Variants in NSUN4 observed in about 807,000 individuals in gnomAD.
NSUN4 encodes 5-cytosine rRNA methyltransferase NSUN4.
A neutral mutation model predicts 43.8 loss-of-function variants in NSUN4; 31 were observed. The ratio of observed to expected loss-of-function variants is 0.71; its 90% CI spans 0.53 to 0.96. NSUN4 has a LOEUF of 0.96. Ranked by LOEUF, NSUN4 falls within the 40% of genes least tolerant of loss-of-function variation. The pLI is 0.00. For synonymous variants in NSUN4, 167 were observed against 184.1 expected, an observed-to-expected ratio of 0.91 and a Z score of 0.75; for missense variants, 439 against 475.6, an observed-to-expected ratio of 0.92 and a Z score of 0.72.
At position 46,362,438 on chromosome 1, in the gene NSUN4, C is replaced by G. The variant is rs41294482; in HGVS notation, c.*592C>G. 1 of 152,666 alleles carries G rather than the reference C, an allele frequency of 6.6e-6. No homozygotes were observed. The highest frequency in any genetic ancestry group is 2.4e-5 in the African/African-American group (1 of 41,440). The allele number at this position is 152,666 out of a possible 1,614,324, so 9.5% of individuals were successfully genotyped here. A position where few individuals can be genotyped will look rare whatever the true frequency, so the allele number is the denominator to read the frequency against. ...TGCTTACCTACTCACATTGGAAAAA[C>G]CCTCTGAGCTGAATAATTCTGGCCA... is the stretch of plus-strand genomic sequence containing the variant. On this transcript the variant is annotated 3_prime_UTR_variant, in exon 6 of 6. Transcript: ENST00000474844.
rs1663184086 is a variant in NSUN4, at chr1:46,353,933, T to C, written c.753+905T>C. Reference sequence around the variant, plus strand: ...CATTTAAGATTTTGATAGCGATTGCTAAATTTCTCTGTGGAGGTTAAACCA... The same window carrying C: ...CATTTAAGATTTTGATAGCGATTGCCAAATTTCTCTGTGGAGGTTAAACCA... On this transcript the variant is annotated intron_variant, in intron 4 of 5. Coordinates refer to ENST00000474844, the MANE Select transcript of NSUN4 (RefSeq NM_199044.4). 5.9e-5 allele frequency among the ~76,000 whole-genome samples: 9 copies of C among 152,336 alleles called. 1 individual carries two copies. The highest frequency in any genetic ancestry group is 5.9e-4 in the Admixed American group (9 of 15,286).
intron 2 of NSUN4, among the ~76,000 whole-genome samples, chr1:46,346,367 T>C (rs988642771): frequency 6.6e-6 from 1 of 151,032 alleles, no homozygotes; most frequent in Non-Finnish European, 1.5e-5. Context: ...CTGGCCAAAA[T>C]GGTGAAACCC....
At chr1:46,348,247 C>T (rs1250484946) in intron 3 of NSUN4, among the ~76,000 whole-genome samples, 1 of 152,236 alleles carries the variant, frequency 6.6e-6, no homozygotes, top group Non-Finnish European at 1.5e-5. Flanking sequence ...ATCCTTTTGA[C>T]TTTCAAGCCT....
At chr1:46,343,140 A>ACCCCCCCCCCCCCCCCCCCCCTCCC (rs34752107) in intron 1 of NSUN4, 1 of 388,822 alleles carries the variant, frequency 2.6e-6, no homozygotes, top group African/African-American at 2.2e-5. Context: ...GGTTCCCTCC[A>ACCCCCCCCCCCCCCCCCCCCCTCCC]CCCCCCATCC....
At chr1:46,356,910 T>C (rs1663420513) in intron 4 of NSUN4, among the ~76,000 whole-genome samples, 1 of 152,180 alleles carries the variant, frequency 6.6e-6, no homozygotes. Context: ...TATTTGAACA[T>C]GTTTCTATCT....
chr1:46,343,576 A>C (rs556146916), intron 1 of NSUN4: 1 of 400,312 alleles, frequency 2.5e-6, no homozygotes, highest in Non-Finnish European at 4.4e-6. Context: ...AGCCAAAGCA[A>C]GAGTCCCCAT....
chr1:46,359,601 A>T (rs1663662476), intron 4 of NSUN4, among the ~76,000 whole-genome samples: 1 of 134,918 alleles, frequency 7.4e-6, no homozygotes, highest in Non-Finnish European at 1.5e-5. Flanking sequence ...CCCAGGCTGG[A>T]GTGCAATGGC....
At chr1:46,350,136 GC>G (rs1662872153) in intron 3 of NSUN4, among the ~76,000 whole-genome samples, 1 of 152,202 alleles carries the variant, frequency 6.6e-6, no homozygotes, top group Admixed American at 6.5e-5. Flanking sequence ...TGGAGGTAGA[GC>G]CAGAACTGGA....
chr1:46,362,564 A>T lies in NSUN4; in HGVS notation c.*718A>T, dbSNP rs919906946. On this transcript the variant is annotated 3_prime_UTR_variant, in exon 6 of 6. Transcript: ENST00000474844. ...TGCGTGCCTTGTTCTTTGTTCATTC[A>T]TCTAGCAGGTATTCCCAGACCTCGT... 6.6e-6 allele frequency: 1 copy of T among 152,184 alleles called. No homozygotes were observed. The highest frequency in any genetic ancestry group is 2.4e-5 in the African/African-American group (1 of 41,426). The allele number at this position is 152,184 out of a possible 1,614,324, so 9.4% of individuals were successfully genotyped here.
chr1:46,371,462 C>A, the NSUN4 span, among the ~76,000 whole-genome samples: 1 of 152,074 alleles, frequency 6.6e-6, no homozygotes, highest in South Asian at 2.1e-4. Context: ...CCTGCCTCCA[C>A]GCCTGGCTAA....
At chr1:46,346,413 A>T (rs949914694) in intron 2 of NSUN4, among the ~76,000 whole-genome samples, 1 of 150,018 alleles carries the variant, frequency 6.7e-6, no homozygotes, top group Non-Finnish European at 1.5e-5. Context: ...TTAGCTGGGC[A>T]TGGTGGCACA....
At chr1:46,380,110 G>A in the NSUN4 span, among the ~76,000 whole-genome samples, 5,638 of 152,174 alleles carry the variant, frequency 0.037, 361 homozygotes, top group African/African-American at 0.13. Context: ...CCCATCCCTG[G>A]AACAAAGACA....
chr1:46,352,368 C>T (rs1221604942), intron 3 of NSUN4, among the ~76,000 whole-genome samples: 1 of 151,906 alleles, frequency 6.6e-6, no homozygotes, highest in Non-Finnish European at 1.5e-5. Context: ...ATGATAATCA[C>T]TTGAACCCAG....
chr1:46,376,052 G>C, the NSUN4 span, among the ~76,000 whole-genome samples: 1 of 125,898 alleles, frequency 7.9e-6, no homozygotes, highest in Non-Finnish European at 1.6e-5. Flanking sequence ...GCAGTGAGCC[G>C]AGATCGCGCC....
chr1:46,347,711 C>T (rs1242879765), intron 3 of NSUN4, among the ~76,000 whole-genome samples: 1 of 152,104 alleles, frequency 6.6e-6, no homozygotes, highest in Non-Finnish European at 1.5e-5. Flanking sequence ...TAAGATCTGC[C>T]TGCAGCCACC....
In NSUN4 at chr1:46,361,906, C is replaced by T. The variant is rs1408321279; in HGVS notation, c.*60C>T. The T allele has an allele frequency of 3.1e-5, 45 of 1,471,284 alleles. No individual in the cohort carries two copies. The East Asian group carries it at 1.0e-3, about 33-fold the overall frequency. The allele number at this position is 1,471,284 out of a possible 1,614,324, so 91.1% of individuals were successfully genotyped here. A position where few individuals can be genotyped will look rare whatever the true frequency, so the allele number is the denominator to read the frequency against. On this transcript the variant is annotated 3_prime_UTR_variant, in exon 6 of 6. Coordinates refer to ENST00000474844, the MANE Select transcript of NSUN4 (RefSeq NM_199044.4). ...TATACTCTGTTGGATGCACCAGAAA[C>T]TGGAAACTGGGACCAGTGGCAGAGA...
At chr1:46,374,451 C>G in the NSUN4 span, among the ~76,000 whole-genome samples, 1 of 149,890 alleles carries the variant, frequency 6.7e-6, no homozygotes, top group Non-Finnish European at 1.5e-5. Flanking sequence ...CTACCAAAAA[C>G]ATAAAAAATT....
intron 4 of NSUN4, among the ~76,000 whole-genome samples, chr1:46,360,032 A>C (rs1451373940): frequency 2.7e-5 from 4 of 150,710 alleles, no homozygotes; most frequent in Non-Finnish European, 5.9e-5. Context: ...GATCGAGACC[A>C]TCCTGGCTAG....
chr1:46,375,099 C>A, the NSUN4 span, among the ~76,000 whole-genome samples: 1 of 151,828 alleles, frequency 6.6e-6, no homozygotes, highest in Non-Finnish European at 1.5e-5. Flanking sequence ...AATTGATAAA[C>A]CCCTGACTAA....
Sources: allele counts gnomAD v4.1 joint callset (sites outside exome capture counted in the v4.1 genomes callset), GRCh38; gene constraint gnomAD v4.1.1; transcripts MANE v1.5; gene names NCBI Gene and HGNC (gene_info 2026-07-23, HGNC 2026-07-21).